TMED3: variants seen among roughly 807,000 people sequenced by gnomAD.
TMED3 encodes the protein transmembrane emp24 domain-containing protein 3.
TMED3 carries 9 observed loss-of-function variants against 15.0 expected under a neutral mutation model. The observed-to-expected ratio is 0.60, with a 90% CI of 0.36 to 1.04. The LOEUF is 1.04. Ranked by LOEUF, TMED3 falls within the 50% of genes least tolerant of loss-of-function variation. The pLI, the probability that TMED3 is intolerant of heterozygous loss-of-function variation, is 0.01. For synonymous variants in TMED3, 117 were observed against 121.4 expected, an observed-to-expected ratio of 0.96 and a Z score of 0.24; for missense variants, 267 against 278.9, an observed-to-expected ratio of 0.96 and a Z score of 0.30.
chr15:79,340,356 CAG>C (rs2058847141), intron 2 of TMED3, among the ~76,000 whole-genome samples: 1 of 152,182 alleles, frequency 6.6e-6, no homozygotes, highest in Non-Finnish European at 1.5e-5. Context: ...CAACATATCA[CAG>C]AGTGTCATGG....
intron 2 of TMED3, chr15:79,383,072 C>T (rs1893564137): frequency 6.7e-7 from 1 of 1,492,238 alleles, no homozygotes; most frequent in Admixed American, 2.0e-5. Flanking sequence ...TGTGCATGCT[C>T]CACGGGACAT....
In TMED3 at chr15:79,311,309, G is replaced by A. The variant is rs760478736; in HGVS notation, c.60G>A (p.Arg20=). 1.2e-5 allele frequency: 20 copies of A among 1,608,706 alleles called. No homozygotes were observed. Among genetic ancestry groups the A allele is most frequent in the Non-Finnish European group, 1.6e-5 (19 of 1,178,324 alleles). Residue 20 remains arginine (R), a synonymous_variant, in exon 1 of 3, where the codon CGG becomes CGA. Coordinates refer to ENST00000299705, the MANE Select transcript of TMED3 (RefSeq NM_007364.4). ...TGCTTCTGCTGCTGCTCCTGCGCCG[G>A]GCCGAGCAGCCCTGCGGGGCCGAGC... is the stretch of plus-strand genomic sequence containing the variant. ...SVLLLLLLLR[R]AEQPCGAELT... is the part of the protein sequence containing the mutation.
chr15:79,390,252 A>C (rs1222664685), intron 2 of TMED3, among the ~76,000 whole-genome samples: 1 of 152,082 alleles, frequency 6.6e-6, no homozygotes, highest in African/African-American at 2.4e-5. Flanking sequence ...TATTACATTG[A>C]GCTATGTCAC....
At chr15:79,378,395 G>A in intron 2 of TMED3, among the ~76,000 whole-genome samples, 1 of 152,192 alleles carries the variant, frequency 6.6e-6, no homozygotes, top group Non-Finnish European at 1.5e-5. Context: ...GTGGCTCTCT[G>A]TCCAGTGATT....
intron 2 of TMED3, among the ~76,000 whole-genome samples, chr15:79,410,698 G>GTATA (rs71150909): frequency 0.33 from 48,448 of 148,680 alleles, 9,090 homozygotes; most frequent in Middle Eastern, 0.51. Context: ...ATGTGTGTGT[G>GTATA]TATATATATA....
At chr15:79,320,527 T>C (rs1402421147) in intron 2 of TMED3, among the ~76,000 whole-genome samples, 2 of 152,158 alleles carry the variant, frequency 1.3e-5, no homozygotes, top group Non-Finnish European at 2.9e-5. Context: ...ACTTGGTCTT[T>C]TCTAGTTTAT....
intron 2 of TMED3, among the ~76,000 whole-genome samples, chr15:79,380,503 TTA>T (rs1334611856): frequency 1.3e-4 from 19 of 146,778 alleles, no homozygotes; most frequent in Admixed American, 3.4e-4. Context: ...TTATATATAG[TTA>T]TATATATAGT....
chr15:79,386,005 AG>A (rs1331212950), intron 2 of TMED3, among the ~76,000 whole-genome samples: 3 of 152,342 alleles, frequency 2.0e-5, no homozygotes, highest in East Asian at 3.9e-4. Context: ...ACACTAGACC[AG>A]GGGAGAAATT....
At chr15:79,345,852 G>A (rs2058869167) in intron 2 of TMED3, among the ~76,000 whole-genome samples, 1 of 152,146 alleles carries the variant, frequency 6.6e-6, no homozygotes, top group Non-Finnish European at 1.5e-5. Context: ...TCTGACTGGT[G>A]TAAGATGACA....
intron 2 of TMED3, among the ~76,000 whole-genome samples, chr15:79,373,186 C>G (rs780509057): frequency 6.6e-6 from 1 of 152,206 alleles, no homozygotes; most frequent in Non-Finnish European, 1.5e-5. Flanking sequence ...ACTAATCATG[C>G]AGATAAGACC....
At chr15:79,348,227 C>G (rs2058878378) in intron 2 of TMED3, among the ~76,000 whole-genome samples, 1 of 152,174 alleles carries the variant, frequency 6.6e-6, no homozygotes, top group African/African-American at 2.4e-5. Context: ...ACACAGATGA[C>G]AGGTCACTTG....
chr15:79,373,445 A>G (rs1353990741), intron 2 of TMED3, among the ~76,000 whole-genome samples: 1 of 152,170 alleles, frequency 6.6e-6, no homozygotes, highest in Non-Finnish European at 1.5e-5. Context: ...TCGCCTCCCA[A>G]CAGTAGTTTA....
rs140012716 is a variant in TMED3 at position 79,341,601 on chromosome 15, C to A, written c.417+27596C>A. ...GCTCTGCGAGTTGCTGAACAGCTGCCAAGCCCAGTAGGCTGCGGAACAGAA... is the reference window on the plus strand; with the variant it reads ...GCTCTGCGAGTTGCTGAACAGCTGCAAAGCCCAGTAGGCTGCGGAACAGAA... On this transcript the variant is annotated intron_variant, in intron 2 of 2. Coordinates refer to the TMED3 transcript ENST00000424155. Among the ~76,000 whole-genome samples, 33 of 152,268 alleles carry A rather than the reference C, an allele frequency of 2.2e-4. No individual in the cohort carries two copies. In the East Asian group the frequency reaches 6.4e-3, roughly 29 times the overall value.
chr15:79,363,414 A>T (rs1021045467), intron 2 of TMED3, among the ~76,000 whole-genome samples: 1 of 152,016 alleles, frequency 6.6e-6, no homozygotes, highest in East Asian at 1.9e-4. Context: ...TGCATACTGT[A>T]TCACAAAGAA....
chr15:79,413,465 G>A (rs977905947), exon 3 of TMED3: 4 of 152,230 alleles, frequency 2.6e-5, no homozygotes, highest in African/African-American at 9.6e-5. Flanking sequence ...CAAAGAGCCT[G>A]TATTGACTCC....
intron 2 of TMED3, among the ~76,000 whole-genome samples, chr15:79,364,801 C>G (rs1349254624): frequency 6.6e-6 from 1 of 151,988 alleles, no homozygotes; most frequent in African/African-American, 2.4e-5. Context: ...CTCCCAGCTC[C>G]CCATCCATCC....
At chr15:79,360,114 C>T (rs909852200) in intron 2 of TMED3, among the ~76,000 whole-genome samples, 23 of 152,134 alleles carry the variant, frequency 1.5e-4, no homozygotes, top group African/African-American at 5.3e-4. Flanking sequence ...ACAGGCACAG[C>T]GGGTCAGTGA....
At chr15:79,350,370 G>A (rs1047931653) in intron 2 of TMED3, among the ~76,000 whole-genome samples, 2 of 152,140 alleles carry the variant, frequency 1.3e-5, no homozygotes, top group African/African-American at 4.8e-5. Flanking sequence ...AAGCCAGTCC[G>A]AGTCCCAAAA....
intron 2 of TMED3, among the ~76,000 whole-genome samples, chr15:79,370,632 C>T (rs1485462009): frequency 6.6e-6 from 1 of 152,146 alleles, no homozygotes; most frequent in Admixed American, 6.5e-5. Flanking sequence ...TTCAGTGTCA[C>T]ATGTCTGTGT....
Sources: allele counts gnomAD v4.1 joint callset (sites outside exome capture counted in the v4.1 genomes callset), GRCh38; gene constraint gnomAD v4.1.1; transcripts MANE v1.5; gene names NCBI Gene and HGNC (gene_info 2026-07-23, HGNC 2026-07-21).